Variants in SUSD1 observed in about 807,000 individuals in gnomAD.
SUSD1 encodes sushi domain-containing protein 1.
In SUSD1, 65 loss-of-function variants were observed where a neutral mutation model predicts 86.9. The observed-to-expected ratio is 0.75, with a 90% confidence interval of 0.61 to 0.92. The LOEUF (loss-of-function observed/expected upper bound fraction) is 0.92. Ranked by LOEUF, SUSD1 falls within the 40% of genes least tolerant of loss-of-function variation. The pLI is 0.00. For missense variants in SUSD1, 850 were observed against 929.7 expected (o/e 0.91, Z 1.11); for synonymous variants, 346 against 350.0 (o/e 0.99, Z 0.13).
Position 112,143,530 on chromosome 9 carries a change from TATCC to T in SUSD1, c.463_466del (p.Gly155ThrfsTer22), listed in dbSNP as rs1832676171. 1.2e-6 allele frequency: 2 copies of T among 1,614,116 alleles called. No homozygotes were observed. The highest frequency in any genetic ancestry group is 1.7e-6 in the Non-Finnish European group (2 of 1,179,996). On this transcript the variant is annotated frameshift_variant, in exon 4 of 17. Coordinates refer to ENST00000374270, the MANE Select transcript of SUSD1 (RefSeq NM_022486.5). LOFTEE classifies it high-confidence loss of function. ...AGGTTCAGGTCCATTCCTTGGCAAG[TATCC>T]ATCCATACAGTAGCATTCAAAGCTC... is the stretch of plus-strand genomic sequence containing the variant.
intron 5 of SUSD1, among the ~76,000 whole-genome samples, chr9:112,129,411 C>T (rs1457451673): frequency 1.3e-5 from 2 of 152,176 alleles, no homozygotes; most frequent in Non-Finnish European, 2.9e-5. Flanking sequence ...CTCCTAGGCA[C>T]AAGTGATCCT....
intron 5 of SUSD1, among the ~76,000 whole-genome samples, chr9:112,130,914 T>C (rs926749064): frequency 7.9e-5 from 12 of 151,630 alleles, no homozygotes; most frequent in Admixed American, 2.6e-4. Context: ...TCCCAGCTAC[T>C]TGGGAGGCTG....
At chr9:112,117,242 C>A (rs529273079) in intron 6 of SUSD1, among the ~76,000 whole-genome samples, 1 of 152,348 alleles carries the variant, frequency 6.6e-6, no homozygotes, top group Admixed American at 6.5e-5. Flanking sequence ...TGGAGCAGGT[C>A]AAGGCAGAGG....
At chr9:112,049,952 A>G (rs1828117652) in intron 15 of SUSD1, among the ~76,000 whole-genome samples, 2 of 152,208 alleles carry the variant, frequency 1.3e-5, no homozygotes, top group African/African-American at 4.8e-5. Context: ...TAATTTAATC[A>G]TAGCAGAATG....
At chr9:112,147,352 A>G (rs1832846859) in intron 3 of SUSD1, among the ~76,000 whole-genome samples, 1 of 152,134 alleles carries the variant, frequency 6.6e-6, no homozygotes, top group African/African-American at 2.4e-5. Context: ...ACTAAAATAC[A>G]AAAATTAGCT....
At chr9:112,108,149 A>G (rs1216046250) in intron 8 of SUSD1, among the ~76,000 whole-genome samples, 3 of 152,242 alleles carry the variant, frequency 2.0e-5, no homozygotes, top group Non-Finnish European at 2.9e-5. Flanking sequence ...AAATCAGAAT[A>G]GTAATTATAT....
At chr9:112,042,056 A>G in intron 15 of SUSD1, 96 bp from the exon 16 acceptor site, 1 of 1,558,466 alleles carries the variant, frequency 6.4e-7, no homozygotes, top group Non-Finnish European at 8.7e-7. Context: ...TTTAACCCAG[A>G]GCTTGGCCCC....
intron 14 of SUSD1, 126 bp downstream of exon 14, chr9:112,058,302 C>T: frequency 7.8e-7 from 1 of 1,281,530 alleles, no homozygotes; most frequent in East Asian, 2.5e-5. Context: ...GCAAAGTATT[C>T]ACAAACATTT....
At chr9:112,104,420 A>G (rs1289818622) in intron 8 of SUSD1, among the ~76,000 whole-genome samples, 1 of 152,056 alleles carries the variant, frequency 6.6e-6, no homozygotes, top group Non-Finnish European at 1.5e-5. Context: ...TAATAATAAT[A>G]ATAGTCCTTC....
At chr9:112,101,738 A>G (rs958194442) in intron 9 of SUSD1, among the ~76,000 whole-genome samples, 8 of 152,148 alleles carry the variant, frequency 5.3e-5, no homozygotes, top group Non-Finnish European at 7.4e-5. Context: ...CCAGCTACTC[A>G]GGAAGGCTGA....
chr9:112,121,669 G>A (rs1031098243), intron 6 of SUSD1, among the ~76,000 whole-genome samples: 1 of 152,172 alleles, frequency 6.6e-6, no homozygotes, highest in Non-Finnish European at 1.5e-5. Context: ...AAATGTTGGT[G>A]GGCAAGACCA....
chr9:112,083,941 T>C (rs2131570539), intron 10 of SUSD1, among the ~76,000 whole-genome samples: 1 of 152,358 alleles, frequency 6.6e-6, no homozygotes, highest in East Asian at 1.9e-4. Context: ...AATCATAATG[T>C]AGCTTTTTGG....
intron 6 of SUSD1, among the ~76,000 whole-genome samples, chr9:112,123,026 G>A (rs1299046018): frequency 1.3e-5 from 2 of 152,172 alleles, no homozygotes; most frequent in Non-Finnish European, 2.9e-5. Context: ...AAAAGTTCTG[G>A]AGATTGGTTG....
At chr9:112,042,064 C>G (rs1405205257) in intron 15 of SUSD1, 104 bp from the exon 16 acceptor site, 1 of 1,552,792 alleles carries the variant, frequency 6.4e-7, no homozygotes, top group Non-Finnish European at 8.7e-7. Context: ...AGAGCTTGGC[C>G]CCATTTAACA....
intron 2 of SUSD1, among the ~76,000 whole-genome samples, chr9:112,153,367 C>T (rs549597892): frequency 2.6e-5 from 4 of 152,086 alleles, no homozygotes; most frequent in Admixed American, 6.6e-5. Context: ...CACTGTCTTC[C>T]GCTTCCACAT....
intron 8 of SUSD1, among the ~76,000 whole-genome samples, chr9:112,108,039 C>T (rs529803119): frequency 6.6e-6 from 1 of 152,112 alleles, no homozygotes; most frequent in South Asian, 2.1e-4. Context: ...TCCAAACATA[C>T]CAAAATGTAA....
intron 8 of SUSD1, among the ~76,000 whole-genome samples, chr9:112,108,664 G>A (rs1405511291): frequency 6.6e-6 from 1 of 151,380 alleles, no homozygotes; most frequent in East Asian, 1.9e-4. Flanking sequence ...TGTAGTCCCA[G>A]CTACTTGGGA....
intron 12 of SUSD1, among the ~76,000 whole-genome samples, chr9:112,077,739 A>G (rs930508349): frequency 1.5e-4 from 22 of 151,688 alleles, no homozygotes; most frequent in East Asian, 7.8e-4. Flanking sequence ...TGATCCTCAC[A>G]TGATCAACCC....
chr9:112,102,981 T>G (rs923542589), intron 8 of SUSD1: 10 of 334,822 alleles, frequency 3.0e-5, no homozygotes, highest in African/African-American at 1.7e-4. Flanking sequence ...ATAGATTTAT[T>G]ACTAATGAAT....
Sources: gnomAD v4.1 joint callset for allele counts (sites outside exome capture counted in the v4.1 genomes callset) on GRCh38, gnomAD v4.1.1 for gene constraint, MANE v1.5 for transcripts, NCBI Gene and HGNC (gene_info 2026-07-23, HGNC 2026-07-21) for gene names.